The following LRP2 variants were observed in gnomAD, a reference collection of about 807,000 sequenced individuals.
The protein encoded by LRP2 is low-density lipoprotein receptor-related protein 2.
In LRP2, 172 loss-of-function variants were observed where a neutral mutation model predicts 531.0. The ratio of observed to expected loss-of-function variants is 0.32; its 90% CI spans 0.29 to 0.37. LRP2 has a LOEUF of 0.37. Among genes scored for constraint, LRP2 ranks in the 10% least tolerant of loss-of-function variants. The probability of loss-of-function intolerance (pLI) is 1.00; values close to 1 mark genes in which losing one functional copy is unlikely to be tolerated. For missense variants in LRP2, 5,167 were observed against 5,868.3 expected, an observed-to-expected ratio of 0.88 and a Z score of 3.90; for synonymous variants, 1,992 against 2,027.6, an observed-to-expected ratio of 0.98 and a Z score of 0.47.
At chr2:169,299,388 C>T (rs1394942801) in intron 4 of LRP2, among the ~76,000 whole-genome samples, 1 of 151,986 alleles carries the variant, frequency 6.6e-6, no homozygotes, top group East Asian at 1.9e-4. Flanking sequence ...TGGTCTCTAT[C>T]CACAGTGACC....
At chr2:169,135,121 C>T (rs1685450438) in intron 76 of LRP2, among the ~76,000 whole-genome samples, 1 of 152,160 alleles carries the variant, frequency 6.6e-6, no homozygotes, top group South Asian at 2.1e-4. Flanking sequence ...TAACCTCTTC[C>T]ATGTAGGTTA....
At chr2:169,315,016 T>C (rs936052021) in intron 3 of LRP2, among the ~76,000 whole-genome samples, 2 of 152,238 alleles carry the variant, frequency 1.3e-5, no homozygotes, top group African/African-American at 4.8e-5. Flanking sequence ...CTTTCTTCTT[T>C]ACGTCAAGCC....
intron 34 of LRP2, among the ~76,000 whole-genome samples, chr2:169,217,747 T>G (rs1459406944): frequency 1.3e-5 from 2 of 152,190 alleles, no homozygotes; most frequent in East Asian, 3.9e-4. Flanking sequence ...ATTGACTATT[T>G]CAAGTCATTC....
chr2:169,311,151 G>T (rs965763980), intron 3 of LRP2, among the ~76,000 whole-genome samples: 5 of 152,076 alleles, frequency 3.3e-5, no homozygotes, highest in Non-Finnish European at 7.4e-5. Flanking sequence ...CAAAAAACCA[G>T]CTCCTGGATT....
chr2:169,284,264 T>C lies in LRP2; in HGVS notation c.1043-1263A>G, dbSNP rs1337811985. 1.1e-4 allele frequency among the ~76,000 whole-genome samples: 14 copies of C among 125,032 alleles called. 3 individuals carry two copies. In the East Asian group the frequency reaches 2.3e-3, roughly 21 times the overall value. 82.0% of individuals were successfully genotyped at this position (125,032 alleles called of 152,430 possible). On this transcript the variant is annotated intron_variant, in intron 9 of 78. Transcript: ENST00000649046. ...TTCTTTTTCTTTTTTTTCTTTTTTT[T>C]TTTTTTTTTTTTTTTTTTGAGATGG...
chr2:169,241,658 T>G (rs1338277115), intron 24 of LRP2, among the ~76,000 whole-genome samples: 1 of 152,206 alleles, frequency 6.6e-6, no homozygotes, highest in East Asian at 1.9e-4. Flanking sequence ...TTTCCTGTGT[T>G]TTTAATGTAC....
intron 1 of LRP2, among the ~76,000 whole-genome samples, chr2:169,339,743 T>G (rs1324045235): frequency 6.6e-6 from 1 of 152,208 alleles, no homozygotes; most frequent in Non-Finnish European, 1.5e-5. Flanking sequence ...TTCACTCTGA[T>G]AAATTTGGAA....
chr2:169,361,267 C>T (rs535863074), intron 1 of LRP2, among the ~76,000 whole-genome samples: 1 of 151,736 alleles, frequency 6.6e-6, no homozygotes, highest in African/African-American at 2.4e-5. Context: ...CTCGCCGGTT[C>T]CAGCCTCCTC....
At chr2:169,319,595 G>C (rs1305713706) in intron 2 of LRP2, among the ~76,000 whole-genome samples, 1 of 152,110 alleles carries the variant, frequency 6.6e-6, no homozygotes, top group Non-Finnish European at 1.5e-5. Context: ...CACTGCCCTT[G>C]CCTTTTTGCT....
chr2:169,178,124 T>A, intron 52 of LRP2, 98 bp from the exon 53 acceptor site: 1 of 893,950 alleles, frequency 1.1e-6, no homozygotes, highest in Non-Finnish European at 1.8e-6. Flanking sequence ...AAATTCTACC[T>A]CCTAGAGATA....
chr2:169,324,395 T>G (rs1386570711), intron 1 of LRP2, among the ~76,000 whole-genome samples: 1 of 152,164 alleles, frequency 6.6e-6, no homozygotes, highest in Non-Finnish European at 1.5e-5. Flanking sequence ...TTAACATTAA[T>G]TGAGTTCATT....
At chr2:169,266,715 A>G (rs1250843207) in intron 16 of LRP2, among the ~76,000 whole-genome samples, 1 of 152,028 alleles carries the variant, frequency 6.6e-6, no homozygotes, top group Non-Finnish European at 1.5e-5. Context: ...AACCCTTGGC[A>G]TTTACATAGT....
At chr2:169,238,950 T>C (rs1203635091) in intron 26 of LRP2, among the ~76,000 whole-genome samples, 2 of 152,226 alleles carry the variant, frequency 1.3e-5, no homozygotes, top group African/African-American at 4.8e-5. Context: ...TTCCCCTTCC[T>C]ACTTTCTAAG....
chr2:169,348,616 A>C (rs3770641), intron 1 of LRP2, among the ~76,000 whole-genome samples: 1 of 152,050 alleles, frequency 6.6e-6, no homozygotes, highest in Non-Finnish European at 1.5e-5. Flanking sequence ...ACTAACACGA[A>C]GTCTAAAAAC....
rs1689942678 is a variant in LRP2 at position 169,244,807 on chromosome 2, G to A, written c.3316C>T (p.Pro1106Ser). 2 of 1,614,248 alleles carry A rather than the reference G, an allele frequency of 1.2e-6. No homozygotes were observed. Among genetic ancestry groups the A allele is most frequent in the Non-Finnish European group, 1.7e-6 (2 of 1,180,054 alleles). Residue 1106 changes from proline to serine, a missense_variant, in exon 22 of 79, where the codon CCT (proline) becomes TCT (serine). Physicochemically the swap from Pro to Ser is moderately conservative, Grantham distance 74. Around this residue, in one of 6 missense-constraint regions of LRP2, gnomAD observed 2,811 missense variants for 3,058.0 expected, o/e 0.92. Transcript: ENST00000649046. ...TATTGGGTGTCAAGGCAGGAAGCAG[G>A]TGCGTGGGTGGGGCAGTTGTGCTCA... is the stretch of plus-strand genomic sequence containing the variant. Reference protein sequence around the residue: ...SDEHNCPTHAPASCLDTQYTC... With the variant: ...SDEHNCPTHASASCLDTQYTC...
intron 48 of LRP2, among the ~76,000 whole-genome samples, chr2:169,191,244 CCT>C (rs1687819467): frequency 6.6e-6 from 1 of 152,208 alleles, no homozygotes; most frequent in Non-Finnish European, 1.5e-5. Flanking sequence ...GTTCACTCCA[CCT>C]GCCTCTACTT....
intron 35 of LRP2, among the ~76,000 whole-genome samples, chr2:169,215,993 C>T (rs1244566102): frequency 6.6e-6 from 1 of 151,724 alleles, no homozygotes; most frequent in Admixed American, 6.6e-5. Flanking sequence ...ATTAATTTAT[C>T]TTGAAGAAAA....
In LRP2 at chr2:169,128,576, G is replaced by T; in HGVS notation, c.*87C>A. ...GGGAAAAATATATTTTTTTCATAAA[G>T]TACTGAATGTTAACTTTTTTCATCT... On this transcript the variant is annotated 3_prime_UTR_variant, in exon 79 of 79. Coordinates refer to ENST00000649046, the MANE Select transcript of LRP2 (RefSeq NM_004525.3). The T allele has an allele frequency of 1.5e-6, 2 of 1,317,780 alleles. No individual in the cohort carries two copies. The highest frequency in any genetic ancestry group is 2.2e-6 in the Non-Finnish European group (2 of 913,906). 81.6% of individuals were successfully genotyped at this position (1,317,780 alleles called of 1,614,324 possible).
chr2:169,202,785 T>A lies in LRP2; in HGVS notation c.8180A>T (p.Asp2727Val). ...WKCDNDNDCG[D>V]GSDEMESVCA... The stretch of plus-strand genomic sequence containing the variant: ...GACACTTTCCATCTCATCACTGCCA[T>A]CCCCACAGTCGTTGTCATTATCACA... Residue 2727 changes from aspartate to valine, a missense_variant, in exon 43 of 79, where the codon GAT becomes GTT. Transcript: ENST00000649046. The A allele has an allele frequency of 6.2e-7, 1 of 1,614,126 alleles. No individual in the cohort carries two copies. The highest frequency in any genetic ancestry group is 8.5e-7 in the Non-Finnish European group (1 of 1,180,028).
Sources: gnomAD v4.1 joint callset for allele counts (sites outside exome capture counted in the v4.1 genomes callset) on GRCh38, gnomAD v4.1.1 for gene constraint, gnomAD v4.1.1 regional missense constraint, MANE v1.5 for transcripts, NCBI Gene and HGNC (gene_info 2026-07-23, HGNC 2026-07-21) for gene names.